The following SLIT3 variants were observed in gnomAD, a reference collection of about 807,000 sequenced individuals.
SLIT3 encodes the protein slit guidance ligand 3, also known as slit homolog 3 protein.
A neutral mutation model predicts 184.0 loss-of-function variants in SLIT3; 68 were observed. That is an observed-to-expected ratio of 0.37 (90% CI 0.30 to 0.45). SLIT3 has a LOEUF of 0.45. Ranked by LOEUF, SLIT3 falls within the 20% of genes least tolerant of loss-of-function variation. The pLI, the probability that SLIT3 is intolerant of heterozygous loss-of-function variation, is 1.00. For synonymous variants in SLIT3, 831 were observed against 828.6 expected (o/e 1.00, Z -0.05); for missense variants, 1,707 against 2,026.0 (o/e 0.84, Z 3.02).
At chr5:168,857,555 T>A (rs1158676627) in intron 5 of SLIT3, among the ~76,000 whole-genome samples, 5 of 152,198 alleles carry the variant, frequency 3.3e-5, no homozygotes, top group African/African-American at 1.2e-4. Context: ...ATGATTTCTA[T>A]GGGCCCCTCA....
chr5:168,911,955 G>A (rs1761266196), intron 4 of SLIT3, among the ~76,000 whole-genome samples: 1 of 152,178 alleles, frequency 6.6e-6, no homozygotes, highest in African/African-American at 2.4e-5. Context: ...CCACTGCCAT[G>A]TATGAAGTAT....
intron 4 of SLIT3, among the ~76,000 whole-genome samples, chr5:168,912,820 G>A (rs898972432): frequency 6.6e-6 from 1 of 152,010 alleles, no homozygotes; most frequent in African/African-American, 2.4e-5. Flanking sequence ...CTTTCTGCAC[G>A]GCTCCCTTAC....
At chr5:168,869,862 G>C (rs892812681) in intron 5 of SLIT3, among the ~76,000 whole-genome samples, 1 of 152,204 alleles carries the variant, frequency 6.6e-6, no homozygotes, top group Non-Finnish European at 1.5e-5. Flanking sequence ...ATTTAGGTTT[G>C]CGCACTTGTG....
intron 4 of SLIT3, among the ~76,000 whole-genome samples, chr5:168,972,337 A>ATGTGTGTGTGTG (rs60588036): frequency 0.019 from 2,294 of 118,296 alleles, 153 homozygotes; most frequent in African/African-American, 0.069. Flanking sequence ...GCAGGACAAC[A>ATGTGTGTGTGTG]TGTGTGTGTG....
At chr5:168,693,094 A>G (rs1322992731) in intron 28 of SLIT3, among the ~76,000 whole-genome samples, 3 of 152,206 alleles carry the variant, frequency 2.0e-5, no homozygotes, top group Non-Finnish European at 2.9e-5. Flanking sequence ...TGTGGCAGGT[A>G]CTGTGCCAGG....
chr5:168,918,642 G>A (rs1368260968), intron 4 of SLIT3, among the ~76,000 whole-genome samples: 2 of 152,160 alleles, frequency 1.3e-5, no homozygotes, highest in African/African-American at 4.8e-5. Context: ...ATGTGGCTAT[G>A]GCCTCCCTAA....
intron 10 of SLIT3, chr5:168,789,909 C>A: frequency 2.6e-6 from 1 of 384,002 alleles, no homozygotes; most frequent in South Asian, 5.7e-5. Flanking sequence ...ACACGTGAAC[C>A]ATCACTTTGT....
chr5:168,896,155 C>T (rs746939449), intron 4 of SLIT3, among the ~76,000 whole-genome samples: 10 of 152,150 alleles, frequency 6.6e-5, no homozygotes, highest in Non-Finnish European at 1.5e-4. Context: ...TGCTAGAAGT[C>T]GTGCCTATGG....
intron 4 of SLIT3, among the ~76,000 whole-genome samples, chr5:169,108,285 G>A (rs1760291172): frequency 6.6e-6 from 1 of 152,246 alleles, no homozygotes; most frequent in African/African-American, 2.4e-5. Flanking sequence ...CTGGGTTCAA[G>A]TCCTGGCCCT....
In SLIT3 at chr5:169,064,263, C is replaced by A. The variant is rs1302008463; in HGVS notation, c.413+129216G>T. On this transcript the variant is annotated intron_variant, in intron 4 of 35. Transcript: ENST00000519560. The stretch of plus-strand genomic sequence containing the variant: ...GGAGGCAAGGGACAGAACAAACATT[C>A]TTTGCCTGCTTGAAGTATTCTTGGC... Among the ~76,000 whole-genome samples, 3 of 152,184 alleles carry A rather than the reference C, an allele frequency of 2.0e-5. No individual in the cohort carries two copies. The East Asian group carries it at 5.8e-4, about 29-fold the overall frequency.
intron 4 of SLIT3, among the ~76,000 whole-genome samples, chr5:169,117,612 T>G (rs186632574): frequency 1.3e-5 from 2 of 152,278 alleles, no homozygotes; most frequent in East Asian, 3.9e-4. Flanking sequence ...GGAAGAGGAA[T>G]GGAGGATTTC....
intron 4 of SLIT3, among the ~76,000 whole-genome samples, chr5:169,019,688 G>C (rs1361713746): frequency 6.6e-6 from 1 of 152,056 alleles, no homozygotes; most frequent in Non-Finnish European, 1.5e-5. Flanking sequence ...CAGACTCCTG[G>C]GCCCCAACTC....
intron 4 of SLIT3, among the ~76,000 whole-genome samples, chr5:169,067,495 G>C (rs766556428): frequency 7.9e-5 from 12 of 152,124 alleles, no homozygotes; most frequent in Non-Finnish European, 1.6e-4. Context: ...CCATCTCTGT[G>C]CCTCCACGGC....
chr5:168,763,174 T>C (rs559644288), intron 14 of SLIT3, among the ~76,000 whole-genome samples: 4 of 152,024 alleles, frequency 2.6e-5, no homozygotes, highest in East Asian at 1.9e-4. Flanking sequence ...GGGTAAATTA[T>C]GGGAAGGGGT....
chr5:169,287,263 C>T (rs1036441881), intron 1 of SLIT3, among the ~76,000 whole-genome samples: 2 of 152,180 alleles, frequency 1.3e-5, no homozygotes, highest in Admixed American at 1.3e-4. Flanking sequence ...TGGGATCTTC[C>T]CTCTCTAGAC....
At chr5:168,799,158 T>A (rs915337212) in intron 9 of SLIT3, among the ~76,000 whole-genome samples, 2 of 152,178 alleles carry the variant, frequency 1.3e-5, no homozygotes, top group Non-Finnish European at 2.9e-5. Context: ...GTGCAGCAGG[T>A]ACTCCTGGAA....
intron 4 of SLIT3, chr5:169,018,311 C>G (rs933246695): frequency 6.6e-6 from 1 of 152,226 alleles, no homozygotes; most frequent in African/African-American, 2.4e-5. Flanking sequence ...CCCCTTCCAG[C>G]TTGAATTTTC....
intron 4 of SLIT3, among the ~76,000 whole-genome samples, chr5:169,076,278 G>T (rs1206865575): frequency 6.6e-6 from 1 of 152,214 alleles, no homozygotes; most frequent in Non-Finnish European, 1.5e-5. Context: ...AGACTTAAAA[G>T]AGATCAGAGA....
At chr5:168,815,645 CAT>C (rs1219070410) in intron 8 of SLIT3, among the ~76,000 whole-genome samples, 1 of 152,144 alleles carries the variant, frequency 6.6e-6, no homozygotes, top group Non-Finnish European at 1.5e-5. Context: ...CTGCTTGAGA[CAT>C]GTTAAAATAT....
Sources: gnomAD v4.1 joint callset for allele counts (sites outside exome capture counted in the v4.1 genomes callset) on GRCh38, gnomAD v4.1.1 for gene constraint, MANE v1.5 for transcripts, NCBI Gene and HGNC (gene_info 2026-07-23, HGNC 2026-07-21) for gene names.